Variants in ANKS1B observed in about 807,000 individuals in gnomAD.
ANKS1B encodes the protein ankyrin repeat and sterile alpha motif domain-containing protein 1B.
Under a neutral mutation model 148.3 loss-of-function variants are expected in ANKS1B, and 36 were observed. The observed-to-expected ratio is 0.24, with a 90% CI of 0.19 to 0.32. ANKS1B has a LOEUF of 0.32. Among genes scored for constraint, ANKS1B ranks in the 10% least tolerant of loss-of-function variants. The pLI, the probability that ANKS1B is intolerant of heterozygous loss-of-function variation, is 1.00. For missense variants in ANKS1B, 1,157 were observed against 1,542.6 expected, an observed-to-expected ratio of 0.75 and a Z score of 4.19; for synonymous variants, 542 against 560.8, an observed-to-expected ratio of 0.97 and a Z score of 0.47.
chr12:99,287,757 A>T (rs897661627), intron 12 of ANKS1B, among the ~76,000 whole-genome samples: 3 of 152,214 alleles, frequency 2.0e-5, no homozygotes, highest in African/African-American at 7.2e-5. Flanking sequence ...TGAAAAATTC[A>T]ATTGATGTAC....
At chr12:99,351,985 T>G (rs1304347306) in intron 12 of ANKS1B, 1 of 152,072 alleles carries the variant, frequency 6.6e-6, no homozygotes, top group Non-Finnish European at 1.5e-5. Context: ...CCTCAGAATA[T>G]TCGGAAATGT....
intron 14 of ANKS1B, among the ~76,000 whole-genome samples, chr12:99,195,334 C>A (rs1023072224): frequency 3.3e-5 from 5 of 152,054 alleles, no homozygotes; most frequent in African/African-American, 1.2e-4. Context: ...GAAAATCTAC[C>A]TTTTTGATGA....
intron 9 of ANKS1B, among the ~76,000 whole-genome samples, chr12:99,636,277 C>T (rs1159264623): frequency 6.6e-6 from 1 of 152,024 alleles, no homozygotes; most frequent in Non-Finnish European, 1.5e-5. Flanking sequence ...AATCATTGCT[C>T]CTAAGAGAAT....
chr12:99,401,802 G>A (rs2035933963), intron 11 of ANKS1B, among the ~76,000 whole-genome samples: 1 of 146,620 alleles, frequency 6.8e-6, no homozygotes, highest in Non-Finnish European at 1.5e-5. Flanking sequence ...TAAGGGTGAT[G>A]AAAAATTAGA....
At chr12:99,071,700 T>C (rs894666302) in intron 16 of ANKS1B, among the ~76,000 whole-genome samples, 3 of 151,674 alleles carry the variant, frequency 2.0e-5, no homozygotes, top group Admixed American at 6.6e-5. Context: ...CAGGCTGGAG[T>C]GCAGTGGCGG....
chr12:99,138,849 A>G (rs1043010862), intron 15 of ANKS1B, among the ~76,000 whole-genome samples: 16 of 152,124 alleles, frequency 1.1e-4, no homozygotes, highest in African/African-American at 3.4e-4. Context: ...AGATTTCACC[A>G]TCACTCCAGC....
chr12:99,281,209 T>C (rs2078407135), intron 12 of ANKS1B, among the ~76,000 whole-genome samples: 1 of 152,210 alleles, frequency 6.6e-6, no homozygotes, highest in South Asian at 2.1e-4. Context: ...ACACTTATTG[T>C]GCTGATCCAC....
chr12:99,694,310 G>A (rs959287944), intron 8 of ANKS1B, among the ~76,000 whole-genome samples: 143 of 151,214 alleles, frequency 9.5e-4, no homozygotes, highest in African/African-American at 3.3e-3. Flanking sequence ...ACAGTGGTAG[G>A]TACCTGTAAT....
At chr12:99,862,088 A>G (rs2090110390) in intron 1 of ANKS1B, among the ~76,000 whole-genome samples, 1 of 152,192 alleles carries the variant, frequency 6.6e-6, no homozygotes, top group South Asian at 2.1e-4. Flanking sequence ...TACTGTTAAC[A>G]CTGAATTTTT....
intron 14 of ANKS1B, chr12:99,154,657 T>C: frequency 1.4e-6 from 2 of 1,440,478 alleles, no homozygotes; most frequent in Non-Finnish European, 1.8e-6. Flanking sequence ...TACCGACCAG[T>C]ACGTCATACA....
intron 9 of ANKS1B, among the ~76,000 whole-genome samples, chr12:99,575,274 T>C (rs1348144032): frequency 6.6e-6 from 1 of 152,094 alleles, no homozygotes. Context: ...ACCAAGAATT[T>C]CGTATCCATA....
intron 9 of ANKS1B, among the ~76,000 whole-genome samples, chr12:99,530,771 CACTTCT>C (rs2096980641): frequency 6.6e-6 from 1 of 152,108 alleles, no homozygotes; most frequent in Admixed American, 6.5e-5. Flanking sequence ...AGCTTCATAC[CACTTCT>C]AAAAGGTAGG....
At chr12:99,495,342 AGT>A (rs56107230) in intron 10 of ANKS1B, among the ~76,000 whole-genome samples, 12,575 of 145,250 alleles carry the variant, frequency 0.087, 575 homozygotes, top group Admixed American at 0.15. Flanking sequence ...GGGGAGAAAA[AGT>A]GTGTGTGTGT....
chr12:98,856,328 G>C (rs1567207130), intron 17 of ANKS1B, among the ~76,000 whole-genome samples: 1 of 152,252 alleles, frequency 6.6e-6, no homozygotes, highest in East Asian at 1.9e-4. Flanking sequence ...CTCGGTACCA[G>C]TAATAGAGAG....
intron 12 of ANKS1B, among the ~76,000 whole-genome samples, chr12:99,382,918 G>C (rs1274722243): frequency 6.6e-6 from 1 of 152,002 alleles, no homozygotes; most frequent in East Asian, 1.9e-4. Context: ...GGCCCCTAAG[G>C]TTTCCTGCTC....
At chr12:98,752,182 T>A (rs1423363785) in intron 25 of ANKS1B, among the ~76,000 whole-genome samples, 1 of 152,124 alleles carries the variant, frequency 6.6e-6, no homozygotes, top group Non-Finnish European at 1.5e-5. Flanking sequence ...CCCTAAAATG[T>A]ATAAAGCCAA....
intron 14 of ANKS1B, among the ~76,000 whole-genome samples, chr12:99,211,238 C>A (rs906374935): frequency 1.3e-5 from 2 of 152,158 alleles, no homozygotes; most frequent in African/African-American, 4.8e-5. Context: ...CTAGGCCCAA[C>A]AGACCCAATT....
intron 9 of ANKS1B, among the ~76,000 whole-genome samples, chr12:99,614,635 C>T (rs1238398541): frequency 1.3e-5 from 2 of 151,894 alleles, no homozygotes; most frequent in Non-Finnish European, 2.9e-5. Context: ...TACAAATGCA[C>T]CAACAATTTT....
chr12:98,878,866 A>G (rs1448663961), intron 17 of ANKS1B, among the ~76,000 whole-genome samples: 2 of 152,216 alleles, frequency 1.3e-5, no homozygotes. Context: ...CCTTGCATAC[A>G]AAGCGGGTTT....
Sources: allele counts gnomAD v4.1 joint callset (sites outside exome capture counted in the v4.1 genomes callset), GRCh38; gene constraint gnomAD v4.1.1; transcripts MANE v1.5; gene names NCBI Gene and HGNC (gene_info 2026-07-23, HGNC 2026-07-21).